The following NRG3 variants were observed in gnomAD, a reference collection of about 807,000 sequenced individuals.
NRG3 encodes the protein pro-neuregulin-3, membrane-bound isoform.
In NRG3, 31 loss-of-function variants were observed where a neutral mutation model predicts 66.9. That is an observed-to-expected ratio of 0.46 (90% CI 0.35 to 0.63). The LOEUF is 0.63. Among genes scored for constraint, NRG3 ranks in the 20% least tolerant of loss-of-function variants. The pLI is 0.00. For synonymous variants in NRG3, 393 were observed against 359.4 expected (o/e 1.09, Z -1.06); for missense variants, 910 against 878.9 (o/e 1.04, Z -0.45).
intron 2 of NRG3, among the ~76,000 whole-genome samples, chr10:82,510,135 A>G (rs1455238098): frequency 6.6e-6 from 1 of 152,062 alleles, no homozygotes; most frequent in Admixed American, 6.6e-5. Flanking sequence ...CCATACCTCT[A>G]GAAGATTAAT....
At chr10:82,015,007 A>C (rs2061724713) in intron 1 of NRG3, among the ~76,000 whole-genome samples, 1 of 152,178 alleles carries the variant, frequency 6.6e-6, no homozygotes, top group South Asian at 2.1e-4. Flanking sequence ...TCCACTCCAT[A>C]AGCGGGAAAT....
chr10:82,582,997 A>G (rs1468112923), intron 2 of NRG3, among the ~76,000 whole-genome samples: 2 of 152,192 alleles, frequency 1.3e-5, no homozygotes, highest in Non-Finnish European at 2.9e-5. Flanking sequence ...CTGAGAATTC[A>G]GCAAATCAAA....
At chr10:81,955,115 T>G (rs536837172) in intron 1 of NRG3, among the ~76,000 whole-genome samples, 101 of 148,670 alleles carry the variant, frequency 6.8e-4, no homozygotes, top group African/African-American at 2.3e-3. Context: ...TCTGTTATAT[T>G]AGACATATAC....
intron 2 of NRG3, among the ~76,000 whole-genome samples, chr10:82,724,064 G>GA (rs1362768679): frequency 4.9e-5 from 7 of 143,452 alleles, no homozygotes; most frequent in African/African-American, 1.6e-4. Context: ...CTTAGCTTCA[G>GA]AAAAAAAAAG....
chr10:82,665,730 CG>C (rs2052720527), intron 2 of NRG3, among the ~76,000 whole-genome samples: 1 of 152,142 alleles, frequency 6.6e-6, no homozygotes, highest in African/African-American at 2.4e-5. Flanking sequence ...TAACAGAGTG[CG>C]AAGAACATTT....
intron 1 of NRG3, among the ~76,000 whole-genome samples, chr10:82,278,964 A>G (rs2078994899): frequency 6.6e-6 from 1 of 152,068 alleles, no homozygotes; most frequent in Non-Finnish European, 1.5e-5. Flanking sequence ...GTATTGTCCT[A>G]TGTGCTTCTT....
At chr10:82,654,907 C>CA (rs2051721551) in intron 2 of NRG3, among the ~76,000 whole-genome samples, 2 of 151,714 alleles carry the variant, frequency 1.3e-5, no homozygotes, top group South Asian at 4.2e-4. Context: ...TATCTCCCAC[C>CA]AAAAATATAT....
At chr10:82,523,271 T>C (rs973860990) in intron 2 of NRG3, among the ~76,000 whole-genome samples, 3 of 152,042 alleles carry the variant, frequency 2.0e-5, no homozygotes, top group African/African-American at 7.2e-5. Context: ...CTTGGGTATA[T>C]ATCTAGGAGT....
intron 2 of NRG3, among the ~76,000 whole-genome samples, chr10:82,366,669 C>T (rs529654650): frequency 6.6e-6 from 1 of 151,984 alleles, no homozygotes; most frequent in East Asian, 1.9e-4. Flanking sequence ...AGGCTGTTGA[C>T]TTTTTTATTT....
intron 2 of NRG3, among the ~76,000 whole-genome samples, chr10:82,734,842 A>AC (rs958894353): frequency 5.8e-4 from 87 of 151,258 alleles, no homozygotes; most frequent in African/African-American, 2.1e-3. Flanking sequence ...ACCTAGCAAA[A>AC]CCCCCCTCTA....
At chr10:82,506,778 G>A (rs1844721907) in intron 2 of NRG3, among the ~76,000 whole-genome samples, 1 of 152,154 alleles carries the variant, frequency 6.6e-6, no homozygotes, top group Non-Finnish European at 1.5e-5. Flanking sequence ...TATCCAGAAT[G>A]AACTAGTTAC....
At chr10:82,707,844 A>G (rs1360660786) in intron 2 of NRG3, among the ~76,000 whole-genome samples, 1 of 97,606 alleles carries the variant, frequency 1.0e-5, no homozygotes, top group Non-Finnish European at 2.1e-5. Flanking sequence ...CATCATCTCT[A>G]CTAAAAAAAA....
At chr10:82,190,449 G>A (rs539791342) in intron 1 of NRG3, among the ~76,000 whole-genome samples, 35 of 152,202 alleles carry the variant, frequency 2.3e-4, no homozygotes, top group African/African-American at 7.2e-4. Context: ...CATATGCAAA[G>A]TTGATATCAA....
rs1342455731 is a variant in NRG3, at chr10:82,470,558, C to T, written c.953+111690C>T. On this transcript the variant is annotated intron_variant, in intron 2 of 8. Coordinates refer to ENST00000372141, the MANE Select transcript of NRG3 (RefSeq NM_001010848.4). ...GATTCTGCACCCTCACAATAGAGTT[C>T]GTCAGAGGCCCATGACTGCCTAATG... is the stretch of plus-strand genomic sequence containing the variant. 6.6e-5 allele frequency among the ~76,000 whole-genome samples: 10 copies of T among 152,206 alleles called. No homozygotes were observed. In the East Asian group the frequency reaches 1.2e-3, roughly 18 times the overall value.
intron 1 of NRG3, among the ~76,000 whole-genome samples, chr10:82,175,619 A>G (rs975709945): frequency 7.9e-5 from 12 of 152,212 alleles, no homozygotes; most frequent in Admixed American, 1.3e-4. Flanking sequence ...AAACATTTCC[A>G]TAACATGTTC....
intron 2 of NRG3, among the ~76,000 whole-genome samples, chr10:82,629,438 A>G (rs535891171): frequency 2.0e-5 from 3 of 152,346 alleles, no homozygotes; most frequent in Non-Finnish European, 2.9e-5. Flanking sequence ...CAATCCTTGA[A>G]CATGTGGATA....
chr10:82,441,870 A>G (rs2090449961), intron 2 of NRG3, among the ~76,000 whole-genome samples: 1 of 152,124 alleles, frequency 6.6e-6, no homozygotes, highest in African/African-American at 2.4e-5. Context: ...GATATTTGCA[A>G]GTTTTAGTCC....
chr10:81,935,671 T>C (rs1227613681), intron 1 of NRG3, among the ~76,000 whole-genome samples: 1 of 152,114 alleles, frequency 6.6e-6, no homozygotes, highest in Non-Finnish European at 1.5e-5. Context: ...TTGAGCACTT[T>C]CTGTTTCTGT....
At chr10:82,050,220 T>G (rs1372023481) in intron 1 of NRG3, among the ~76,000 whole-genome samples, 1 of 152,112 alleles carries the variant, frequency 6.6e-6, no homozygotes, top group Non-Finnish European at 1.5e-5. Context: ...CCTTCATTTT[T>G]AATTTTCTTC....
Sources: gnomAD v4.1 joint callset for allele counts (sites outside exome capture counted in the v4.1 genomes callset) on GRCh38, gnomAD v4.1.1 for gene constraint, MANE v1.5 for transcripts, NCBI Gene and HGNC (gene_info 2026-07-23, HGNC 2026-07-21) for gene names.